Variants in TDO2 observed in about 807,000 individuals in gnomAD.
TDO2 encodes tryptamin 2,3-dioxygenase.
In TDO2, 63 loss-of-function variants were observed where a neutral mutation model predicts 61.2. The ratio of observed to expected loss-of-function variants is 1.03; its 90% CI spans 0.84 to 1.27. The LOEUF (loss-of-function observed/expected upper bound fraction) is 1.27, where lower values mean the gene tolerates loss of function less well. TDO2 is among the 50% of genes most tolerant of loss of function. TDO2 has a pLI of 0.00. For synonymous variants in TDO2, 183 were observed against 164.0 expected (o/e 1.12, Z -0.89); for missense variants, 494 against 469.5 (o/e 1.05, Z -0.48).
rs758906378 is a variant in TDO2 at position 155,909,030 on chromosome 4, AT to A, written c.431+20del. 1.3e-6 allele frequency: 2 copies of A among 1,578,746 alleles called. No individual in the cohort carries two copies. The highest frequency in any genetic ancestry group is 1.9e-5 in the Admixed American group (1 of 53,406). ...ATGACTTCAGGTGTGCACATTTGGC[AT>A]TTTAAAAAATGTGATGGAATTTACT... is the stretch of plus-strand genomic sequence containing the variant. On this transcript the variant is annotated intron_variant, in intron 5 of 11. Coordinates refer to ENST00000536354, the MANE Select transcript of TDO2 (RefSeq NM_005651.4).
chr4:155,909,519 G>C (rs1167589448), intron 5 of TDO2, among the ~76,000 whole-genome samples: 1 of 152,106 alleles, frequency 6.6e-6, no homozygotes, highest in African/African-American at 2.4e-5. Flanking sequence ...GATGTAACAT[G>C]CATGTCCTGA....
chr4:155,908,140 A>C (rs1742754219), intron 4 of TDO2, among the ~76,000 whole-genome samples: 2 of 152,178 alleles, frequency 1.3e-5, no homozygotes, highest in Admixed American at 1.3e-4. Context: ...CTGCAGGAAG[A>C]TGGGAGCAAT....
At chr4:155,908,429 G>A (rs1742758798) in intron 4 of TDO2, among the ~76,000 whole-genome samples, 2 of 63,168 alleles carry the variant, frequency 3.2e-5, no homozygotes, top group African/African-American at 6.4e-5. Flanking sequence ...CTAGGAGACA[G>A]AGCACATGGG....
intron 7 of TDO2, among the ~76,000 whole-genome samples, chr4:155,913,050 T>A (rs531797715): frequency 8.5e-5 from 13 of 152,258 alleles, no homozygotes; most frequent in Non-Finnish European, 1.5e-5. Flanking sequence ...TATCATCCTT[T>A]AATCTACCAC....
chr4:155,918,286 T>A, intron 11 of TDO2, 47 bp downstream of exon 11: 1 of 1,580,444 alleles, frequency 6.3e-7, no homozygotes, highest in Non-Finnish European at 8.7e-7. Flanking sequence ...TCACCAACAA[T>A]TTGTTTCTCC....
Position 155,914,318 on chromosome 4 carries a change from TA to T in TDO2, c.727-2del. On this transcript the variant is annotated splice_region_variant and splice_polypyrimidine_tract_variant and intron_variant, in intron 7 of 11. Transcript: ENST00000536354. The stretch of plus-strand genomic sequence containing the variant: ...AGGACTATTAATGCCATATTTTTCC[TA>T]AAGGCTAAAGAAGAGTCTGAAGAAA... The T allele has an allele frequency of 6.3e-7, 1 of 1,595,934 alleles. No individual in the cohort carries two copies. The highest frequency in any genetic ancestry group is 8.5e-7 in the Non-Finnish European group (1 of 1,174,900).
intron 3 of TDO2, 129 bp from the exon 4 acceptor site, chr4:155,907,593 A>T (rs548879119): frequency 1.9e-4 from 118 of 632,340 alleles, no homozygotes; most frequent in Non-Finnish European, 3.0e-4. Flanking sequence ...CAATGGGACT[A>T]TATTTACATT....
At position 155,918,216 on chromosome 4, in the gene TDO2, T is replaced by C. The variant is rs757484794; in HGVS notation, c.1044T>C (p.Tyr348=). 6.2e-7 allele frequency: 1 copy of C among 1,614,130 alleles called. No individual in the cohort carries two copies. Among genetic ancestry groups the C allele is most frequent in the Non-Finnish European group, 8.5e-7 (1 of 1,179,966 alleles). The part of the protein sequence containing the change: ...SKAGTGGSSG[Y]HYLRSTVSDR... ...CTGGCACCGGTGGTTCCTCAGGCTATCACTACCTGCGATCAACTGTGAGGT... is the reference window on the plus strand; with the variant it reads ...CTGGCACCGGTGGTTCCTCAGGCTACCACTACCTGCGATCAACTGTGAGGT... Residue 348 remains tyrosine, a synonymous_variant, in exon 11 of 12, where the codon TAT becomes TAC. Transcript: ENST00000536354.
intron 9 of TDO2, among the ~76,000 whole-genome samples, chr4:155,916,577 G>A (rs918467954): frequency 2.0e-5 from 3 of 151,960 alleles, no homozygotes; most frequent in African/African-American, 2.4e-5. Flanking sequence ...AATAAAAAAT[G>A]CATGAAGTGA....
In TDO2 at chr4:155,916,257, T is replaced by C. The variant is rs1486126692; in HGVS notation, c.896+345T>C. On this transcript the variant is annotated intron_variant, in intron 9 of 11. Coordinates refer to ENST00000536354, the MANE Select transcript of TDO2 (RefSeq NM_005651.4). The stretch of plus-strand genomic sequence containing the variant: ...ATCTCGGCTCACTGCAAGCTCCGCC[T>C]CCCGGGTTCACGCCACTCTCCTGCC... Among the ~76,000 whole-genome samples, 11 of 135,066 alleles carry C rather than the reference T, an allele frequency of 8.1e-5. No homozygotes were observed. In the South Asian group the frequency reaches 2.1e-3, roughly 26 times the overall value. The allele number at this position is 135,066 out of a possible 152,430, so 88.6% of individuals were successfully genotyped here.
rs549444694 is a variant in TDO2 at position 155,918,934 on chromosome 4, C to T, written c.1067+695C>T. 6 of 152,300 alleles carry T rather than the reference C, an allele frequency of 3.9e-5. No individual in the cohort carries two copies. The East Asian group carries it at 7.7e-4, about 20-fold the overall frequency. 9.4% of individuals were successfully genotyped at this position (152,300 alleles called of 1,614,324 possible). A position where few individuals can be genotyped will look rare whatever the true frequency, so the allele number is the denominator to read the frequency against. On this transcript the variant is annotated intron_variant, in intron 11 of 11. Transcript: ENST00000536354. Reference sequence around the variant, plus strand: ...TCAAATCTTTACAGCACATTGCTTTCGTCCCTACTGTTATTACCAGATTGG... The same window carrying T: ...TCAAATCTTTACAGCACATTGCTTTTGTCCCTACTGTTATTACCAGATTGG...
intron 4 of TDO2, among the ~76,000 whole-genome samples, chr4:155,908,060 G>T (rs530407461): frequency 6.6e-6 from 1 of 152,116 alleles, no homozygotes; most frequent in Non-Finnish European, 1.5e-5. Context: ...TATAAATGAT[G>T]GTGGATTACC....
In TDO2 at chr4:155,909,158, C is replaced by A. The variant is rs1049850156; in HGVS notation, c.431+144C>A. 2.3e-5 allele frequency: 14 copies of A among 616,982 alleles called. 2 individuals carry two copies. The highest frequency in any genetic ancestry group is 2.1e-4 in the Admixed American group (5 of 23,672). The allele number at this position is 616,982 out of a possible 1,614,324, so 38.2% of individuals were successfully genotyped here. A position where few individuals can be genotyped will look rare whatever the true frequency, so the allele number is the denominator to read the frequency against. Reference sequence around the variant, plus strand: ...CTATATGGACTTAGGGGTCTTCGATCACAAAGCATTTGAGAAGTTATTAAA... The same window carrying A: ...CTATATGGACTTAGGGGTCTTCGATAACAAAGCATTTGAGAAGTTATTAAA... On this transcript the variant is annotated intron_variant, in intron 5 of 11. Transcript: ENST00000536354.
intron 4 of TDO2, among the ~76,000 whole-genome samples, chr4:155,908,641 T>C (rs1742762764): frequency 6.6e-6 from 1 of 152,244 alleles, no homozygotes; most frequent in Admixed American, 6.5e-5. Context: ...GGTTGTATTC[T>C]AGAATTTACT....
Position 155,905,136 on chromosome 4 carries a change from CT to C in TDO2, c.216del (p.Phe72LeufsTer3). 2 of 1,596,194 alleles carry C rather than the reference CT, an allele frequency of 1.3e-6. No homozygotes were observed. Among genetic ancestry groups the C allele is most frequent in the South Asian group, 1.1e-5 (1 of 87,248 alleles). On this transcript the variant is annotated frameshift_variant, in exon 3 of 12. Transcript: ENST00000536354. LOFTEE classifies it high-confidence loss of function. ...TKGNKIHDEHLFIITHQAYEL... is the reference protein window; with the variant it reads ...TKGNKIHDEHXFIITHQAYEL... Reference sequence around the variant, plus strand: ...AGGAAATAAAATCCATGATGAACATCTTTTTATCATAACTCATCAAGGTAAG... The same window carrying C: ...AGGAAATAAAATCCATGATGAACATCTTTTATCATAACTCATCAAGGTAAG...
chr4:155,909,148 G>A (rs1742773080), intron 5 of TDO2, 134 bp downstream of exon 5: 2 of 720,948 alleles, frequency 2.8e-6, no homozygotes, highest in South Asian at 8.0e-5. Context: ...TGGACTTAGG[G>A]GTCTTCGATC....
chr4:155,917,436 C>A lies in TDO2; in HGVS notation c.938C>A (p.Ser313Tyr). 1 of 1,611,350 alleles carries A rather than the reference C, an allele frequency of 6.2e-7. No individual in the cohort carries two copies. The highest frequency in any genetic ancestry group is 8.5e-7 in the Non-Finnish European group (1 of 1,178,992). The change falls in exon 10 of 12, where the codon TCT (serine) becomes TAT (tyrosine). Residue 313 changes from serine (S) to tyrosine (Y), a missense_variant. Coordinates refer to ENST00000536354, the MANE Select transcript of TDO2 (RefSeq NM_005651.4). ...RFQVPFQLLT[S>Y]LMDIDSLMTK... ...CAGGTGCCTTTTCAGTTGCTGACTT[C>A]TCTTATGGACATAGATTCACTGATG... is the stretch of plus-strand genomic sequence containing the variant.
chr4:155,908,156 A>G (rs1742754478), intron 4 of TDO2, among the ~76,000 whole-genome samples: 1 of 152,176 alleles, frequency 6.6e-6, no homozygotes, highest in Non-Finnish European at 1.5e-5. Flanking sequence ...GCAATAATAA[A>G]GAAAGTGAAA....
At chr4:155,904,172 A>C in intron 2 of TDO2, 49 bp downstream of exon 2, 1 of 1,327,588 alleles carries the variant, frequency 7.5e-7, no homozygotes, top group African/African-American at 1.5e-5. Context: ...TTAGGCACTC[A>C]ATTCTGCCAA....
Sources: gnomAD v4.1 joint callset for allele counts (sites outside exome capture counted in the v4.1 genomes callset) on GRCh38, gnomAD v4.1.1 for gene constraint, MANE v1.5 for transcripts, NCBI Gene and HGNC (gene_info 2026-07-23, HGNC 2026-07-21) for gene names.